The following ERICH5 variants were observed in gnomAD, a reference collection of about 807,000 sequenced individuals.
ERICH5 encodes the protein glutamate rich 5.
In ERICH5, 24 loss-of-function variants were observed where a neutral mutation model predicts 28.0. That is an observed-to-expected ratio of 0.86 (90% CI 0.62 to 1.21). The LOEUF (loss-of-function observed/expected upper bound fraction) is 1.21. ERICH5 is among the 50% of genes most tolerant of loss of function. The pLI, the probability that ERICH5 is intolerant of heterozygous loss-of-function variation, is 0.00. For missense variants in ERICH5, 421 were observed against 441.2 expected (o/e 0.95, Z 0.41); for synonymous variants, 163 against 157.6 (o/e 1.03, Z -0.25).
rs112917589 is a variant in ERICH5, at chr8:98,065,590, G to C, written c.58+863G>C. 1.3e-3 allele frequency among the ~76,000 whole-genome samples: 196 copies of C among 152,298 alleles called. 1 individual carries two copies. The highest frequency in any genetic ancestry group is 4.5e-3 in the African/African-American group (189 of 41,570). ...ACACGTGAAACAATTGGCTAAGATC[G>C]TTTCTGACAGTGATAAGTACTGTGA... On this transcript the variant is annotated intron_variant, in intron 1 of 2. Coordinates refer to ENST00000318528, the MANE Select transcript of ERICH5 (RefSeq NM_173549.3).
intron 1 of ERICH5, among the ~76,000 whole-genome samples, chr8:98,066,518 A>C (rs563018197): frequency 1.1e-4 from 17 of 152,364 alleles, no homozygotes; most frequent in African/African-American, 3.6e-4. Flanking sequence ...TTTATCTTTA[A>C]AAATATTTTA....
Position 98,093,318 on chromosome 8 carries a change from T to C in ERICH5, c.1110T>C (p.Leu370=), listed in dbSNP as rs1296151251. The change falls in exon 3 of 3, where the codon CTT becomes CTC. Residue 370 remains leucine, a synonymous_variant. Coordinates refer to ENST00000318528, the MANE Select transcript of ERICH5 (RefSeq NM_173549.3). ...KEEETGEVVD[L]SAAT ...AAGAAACAGGAGAAGTGGTGGACCT[T>C]TCAGCAGCCACATAGATAGAAGAGT... The C allele has an allele frequency of 2.5e-6, 4 of 1,613,070 alleles. No homozygotes were observed. Among genetic ancestry groups the C allele is most frequent in the Non-Finnish European group, 3.4e-6 (4 of 1,179,284 alleles).
At chr8:98,073,749 G>A (rs1814995769) in intron 1 of ERICH5, among the ~76,000 whole-genome samples, 1 of 149,958 alleles carries the variant, frequency 6.7e-6, no homozygotes, top group East Asian at 2.0e-4. Context: ...TACCATGTTG[G>A]TCAGGCTGGC....
At chr8:98,078,440 A>T (rs984415556) in intron 1 of ERICH5, among the ~76,000 whole-genome samples, 1 of 152,190 alleles carries the variant, frequency 6.6e-6, no homozygotes, top group Non-Finnish European at 1.5e-5. Context: ...TTCGCTCAAA[A>T]ACCCAGCAGA....
rs769042472 is a variant in ERICH5 at position 98,070,660 on chromosome 8, C to CAAAAAAAAAAAAAAAAAAA, written c.58+5937_58+5955dup. ...GGGCAACAAGAGTGAAACTGCATCT[C>CAAAAAAAAAAAAAAAAAAA]AAAAAAAAAAAAAAAAAAAAAAGAA... On this transcript the variant is annotated intron_variant, in intron 1 of 2. Coordinates refer to ENST00000318528, the MANE Select transcript of ERICH5 (RefSeq NM_173549.3). Among the ~76,000 whole-genome samples, 55 of 38,744 alleles carry CAAAAAAAAAAAAAAAAAAA rather than the reference C, an allele frequency of 1.4e-3. 3 individuals carry two copies. The highest frequency in any genetic ancestry group is 2.0e-3 in the Non-Finnish European group (38 of 19,420). 25.4% of individuals were successfully genotyped at this position (38,744 alleles called of 152,430 possible).
intron 1 of ERICH5, among the ~76,000 whole-genome samples, chr8:98,066,550 C>A (rs1055390607): frequency 2.0e-5 from 3 of 152,260 alleles, no homozygotes; most frequent in South Asian, 4.1e-4. Context: ...AATAACTATT[C>A]CACGTGAGTT....
At chr8:98,079,794 C>T (rs1477478233) in intron 1 of ERICH5, among the ~76,000 whole-genome samples, 5 of 152,202 alleles carry the variant, frequency 3.3e-5, no homozygotes, top group Non-Finnish European at 5.9e-5. Flanking sequence ...CCTGCCTTAG[C>T]CTCCCAAAGT....
chr8:98,070,123 C>G (rs1036828043), intron 1 of ERICH5, among the ~76,000 whole-genome samples: 1 of 152,096 alleles, frequency 6.6e-6, no homozygotes, highest in Non-Finnish European at 1.5e-5. Context: ...GGGCACATGG[C>G]TAATGTGTGT....
intron 2 of ERICH5, among the ~76,000 whole-genome samples, chr8:98,091,172 A>G (rs1355699834): frequency 6.6e-6 from 1 of 152,114 alleles, no homozygotes; most frequent in Non-Finnish European, 1.5e-5. Context: ...TCCTGACCTC[A>G]TGATCCACCC....
intron 1 of ERICH5, among the ~76,000 whole-genome samples, chr8:98,073,471 T>A (rs1586199373): frequency 4.5e-4 from 1 of 2,218 alleles, no homozygotes; most frequent in African/African-American, 1.8e-3. Flanking sequence ...TATATATATA[T>A]ATATATATAT....
chr8:98,086,060 A>G (rs1213299426), intron 1 of ERICH5, among the ~76,000 whole-genome samples: 1 of 152,226 alleles, frequency 6.6e-6, no homozygotes, highest in Non-Finnish European at 1.5e-5. Context: ...TCATTAAAGC[A>G]TCTTCGGAGG....
rs564064624 is a variant in ERICH5 at position 98,090,251 on chromosome 8, T to A, written c.1012+222T>A. On this transcript the variant is annotated intron_variant, in intron 2 of 2. Transcript: ENST00000318528. ...TCCGAAACATCATCTCTGTCCAAAA[T>A]TTTAACCTAGTGTTTAAATAGTGTC... Among the ~76,000 whole-genome samples the A allele has an allele frequency of 2.6e-5, 4 of 152,308 alleles. No homozygotes were observed. In the South Asian group the frequency reaches 8.3e-4, roughly 32 times the overall value.
chr8:98,092,153 A>G, intron 2 of ERICH5, among the ~76,000 whole-genome samples: 1 of 151,492 alleles, frequency 6.6e-6, no homozygotes, highest in Non-Finnish European at 1.5e-5. Context: ...ATGTGCCACC[A>G]TGCCTGGCTA....
chr8:98,083,241 T>C (rs1815214185), intron 1 of ERICH5, among the ~76,000 whole-genome samples: 1 of 152,230 alleles, frequency 6.6e-6, no homozygotes, highest in South Asian at 2.1e-4. Context: ...CCAGAAAATA[T>C]AATTTGGCAG....
Position 98,084,706 on chromosome 8 carries a change from A to G in ERICH5, c.59-4370A>G, listed in dbSNP as rs370036512. On this transcript the variant is annotated intron_variant, in intron 1 of 2. Transcript: ENST00000318528. ...GGGAGGTTTTTAAAATCCAGATTGG[A>G]TTGATTCATTTCTCTGCTCACAATT... Among the ~76,000 whole-genome samples, 50 of 152,200 alleles carry G rather than the reference A, an allele frequency of 3.3e-4. 2 individuals are homozygous for G. Among genetic ancestry groups the G allele is most frequent in the African/African-American group, 1.2e-3 (48 of 41,532 alleles).
intron 1 of ERICH5, among the ~76,000 whole-genome samples, chr8:98,067,543 C>T (rs1231218826): frequency 1.3e-5 from 2 of 151,874 alleles, no homozygotes; most frequent in African/African-American, 4.8e-5. Context: ...CTCTGGATCC[C>T]CATTAGGTGT....
At chr8:98,087,259 A>G (rs113884150) in intron 1 of ERICH5, among the ~76,000 whole-genome samples, 1,706 of 152,182 alleles carry the variant, frequency 0.011, 8 homozygotes, top group Non-Finnish European at 0.014. Flanking sequence ...AGCAACATAG[A>G]AAAAAAATTC....
intron 1 of ERICH5, among the ~76,000 whole-genome samples, chr8:98,079,874 ACTGTACCATGAT>A (rs1815143738): frequency 6.6e-6 from 1 of 152,164 alleles, no homozygotes; most frequent in Non-Finnish European, 1.5e-5. Flanking sequence ...CATGTTTTAA[ACTGTACCATGAT>A]AACAATACAA....
intron 1 of ERICH5, among the ~76,000 whole-genome samples, chr8:98,072,674 G>A (rs78656396): frequency 7.4e-4 from 113 of 152,138 alleles, no homozygotes; most frequent in African/African-American, 2.7e-3. Flanking sequence ...TAAAAAGGAA[G>A]TGTTGGGATG....
Sources: gnomAD v4.1 joint callset for allele counts (sites outside exome capture counted in the v4.1 genomes callset) on GRCh38, gnomAD v4.1.1 for gene constraint, MANE v1.5 for transcripts, NCBI Gene and HGNC (gene_info 2026-07-23, HGNC 2026-07-21) for gene names.